Variants in CSMD2 observed in about 807,000 individuals in gnomAD.
The protein encoded by CSMD2 is CUB and sushi domain-containing protein 2.
A neutral mutation model predicts 398.5 loss-of-function variants in CSMD2; 130 were observed. That is an observed-to-expected ratio of 0.33 (90% confidence interval 0.28 to 0.38). CSMD2 has a LOEUF of 0.38. CSMD2 is among the 10% of genes least tolerant of loss of function. The probability of loss-of-function intolerance (pLI) is 1.00; values close to 1 mark genes in which losing one functional copy is unlikely to be tolerated. For missense variants in CSMD2, 3,829 were observed against 4,764.9 expected (o/e 0.80, Z 5.78); for synonymous variants, 1,828 against 1,908.5 (o/e 0.96, Z 1.10).
chr1:34,125,032 C>T (rs934759722), intron 1 of CSMD2, among the ~76,000 whole-genome samples: 1 of 152,058 alleles, frequency 6.6e-6, no homozygotes, highest in African/African-American at 2.4e-5. Flanking sequence ...ATGATTATGA[C>T]CCAGTCCCTG....
At chr1:33,753,047 T>TA (rs1393000716) in intron 13 of CSMD2, among the ~76,000 whole-genome samples, 3 of 152,214 alleles carry the variant, frequency 2.0e-5, no homozygotes, top group Non-Finnish European at 4.4e-5. Flanking sequence ...AGTTGGGACT[T>TA]ACATTTGAAA....
At chr1:34,071,043 G>A (rs1194024476) in intron 2 of CSMD2, among the ~76,000 whole-genome samples, 3 of 152,148 alleles carry the variant, frequency 2.0e-5, no homozygotes, top group Admixed American at 1.3e-4. Context: ...ATTGGAAGGT[G>A]GAGTCAATTG....
chr1:34,060,964 C>T (rs1654425266), intron 2 of CSMD2, among the ~76,000 whole-genome samples: 1 of 152,066 alleles, frequency 6.6e-6, no homozygotes, highest in Non-Finnish European at 1.5e-5. Context: ...AGTTGGCTTT[C>T]TGTCACGACT....
intron 52 of CSMD2, among the ~76,000 whole-genome samples, chr1:33,568,087 T>G (rs909757871): frequency 6.6e-6 from 1 of 151,076 alleles, no homozygotes; most frequent in African/African-American, 2.4e-5. Flanking sequence ...GTCCCCAGGA[T>G]CATCCCCCAC....
chr1:33,797,383 T>C (rs928020661), intron 10 of CSMD2, among the ~76,000 whole-genome samples: 1 of 152,222 alleles, frequency 6.6e-6, no homozygotes, highest in Non-Finnish European at 1.5e-5. Flanking sequence ...AAAGAATCGA[T>C]GTCTAAATAT....
Position 33,611,120 on chromosome 1 carries a change from G to A in CSMD2, c.6264C>T (p.Leu2088=), listed in dbSNP as rs761691324. 1 of 1,614,070 alleles carries A rather than the reference G, an allele frequency of 6.2e-7. No homozygotes were observed. Among genetic ancestry groups the A allele is most frequent in the African/African-American group, 1.3e-5 (1 of 74,992 alleles). Residue 2088 remains leucine (L), a synonymous_variant, in exon 41 of 71, where the codon CTC becomes CTT. Coordinates refer to ENST00000373381, the MANE Select transcript of CSMD2 (RefSeq NM_001281956.2). ...FSGSELPSSL[L]STSHETTVYF... The stretch of plus-strand genomic sequence containing the variant: ...ACACGGTGGTCTCGTGGGACGTGGA[G>A]AGGAGGGAGCTTGGAAGCTCGCTTC...
At position 34,163,009 on chromosome 1, in the gene CSMD2, C is replaced by T. The variant is rs1315592113; in HGVS notation, c.187+1902G>A. Among the ~76,000 whole-genome samples, 2 of 152,034 alleles carry T rather than the reference C, an allele frequency of 1.3e-5. No individual in the cohort carries two copies. Among genetic ancestry groups the T allele is most frequent in the Non-Finnish European group, 2.9e-5 (2 of 68,006 alleles). On this transcript the variant is annotated intron_variant, in intron 1 of 70. Coordinates refer to ENST00000373381, the MANE Select transcript of CSMD2 (RefSeq NM_001281956.2). The surrounding 1 kb of genome is among the most constrained non-coding windows in gnomAD (Gnocchi z 5.4). ...TCTCTACTGAGCAAGGAGCTGCGAG[C>T]AAATGGATCTCTATAGGGCAGGATT...
intron 48 of CSMD2, among the ~76,000 whole-genome samples, chr1:33,577,776 A>C (rs1009871767): frequency 6.6e-6 from 1 of 152,154 alleles, no homozygotes; most frequent in Non-Finnish European, 1.5e-5. Context: ...GGCTAAGTTC[A>C]GGCTCTCAAA....
rs557030103 is a variant in CSMD2, at chr1:33,885,644, T to G, written c.920+32450A>C. Among the ~76,000 whole-genome samples, 18 of 152,254 alleles carry G rather than the reference T, an allele frequency of 1.2e-4. No individual in the cohort carries two copies. The South Asian group carries it at 3.1e-3, about 26-fold the overall frequency. ...ATCTTGTGGTCAGCCCTGGAGCACT[T>G]AGGAGAAGAATCTGCCAAATTCCTA... On this transcript the variant is annotated intron_variant, in intron 5 of 70. Transcript: ENST00000373381.
chr1:33,739,367 C>T, intron 14 of CSMD2, 33 bp from the exon 15 acceptor site: 1 of 1,577,540 alleles, frequency 6.3e-7, no homozygotes, highest in Middle Eastern at 1.7e-4. Context: ...CATGATCAGA[C>T]ATTGCTGGAG....
rs1303924867 is a variant in CSMD2 at position 33,546,119 on chromosome 1, T to C, written c.9018A>G (p.Glu3006=). Residue 3006 remains glutamate (E), a synonymous_variant, in exon 57 of 71, where the codon GAA becomes GAG. Transcript: ENST00000373381. ...ACGATCCCCGGAGCACGTGGCCAGC[T>C]TCACAGCTGAAGCGCATCACAGTGC... The part of the protein sequence containing the change: ...DPGTVMRFSC[E]AGHVLRGSSE... 9 of 1,614,060 alleles carry C rather than the reference T, an allele frequency of 5.6e-6. No individual in the cohort carries two copies. Among genetic ancestry groups the C allele is most frequent in the Non-Finnish European group, 6.8e-6 (8 of 1,180,036 alleles).
intron 4 of CSMD2, among the ~76,000 whole-genome samples, chr1:33,925,667 T>C (rs1031607356): frequency 6.6e-6 from 1 of 152,150 alleles, no homozygotes. Context: ...GCCAGAGTAA[T>C]ACGGGAAACC....
At chr1:34,006,115 C>G (rs577712232) in intron 3 of CSMD2, among the ~76,000 whole-genome samples, 21 of 152,264 alleles carry the variant, frequency 1.4e-4, no homozygotes, top group African/African-American at 4.8e-4. Context: ...TCAGTATATA[C>G]TTGGCCCTCT....
At chr1:33,795,489 C>T (rs1225253731) in intron 10 of CSMD2, among the ~76,000 whole-genome samples, 1 of 152,222 alleles carries the variant, frequency 6.6e-6, no homozygotes, top group Admixed American at 6.5e-5. Context: ...CCCTCCACTG[C>T]ACAGCCTGTG....
At chr1:34,130,031 G>C (rs563616016) in intron 1 of CSMD2, among the ~76,000 whole-genome samples, 44 of 152,242 alleles carry the variant, frequency 2.9e-4, no homozygotes, top group Middle Eastern at 3.4e-3. Flanking sequence ...GGGAGCTCAA[G>C]AAACATTAAT....
At chr1:33,996,750 AAAGG>A (rs1021911591) in intron 3 of CSMD2, among the ~76,000 whole-genome samples, 4 of 151,892 alleles carry the variant, frequency 2.6e-5, no homozygotes, top group African/African-American at 9.7e-5. Context: ...CAGAAAAGAA[AAAGG>A]AAGGAAGGGA....
In CSMD2 at chr1:33,744,278, C is replaced by A. The variant is rs531531930; in HGVS notation, c.1847-672G>T. Among the ~76,000 whole-genome samples the A allele has an allele frequency of 1.3e-4, 20 of 152,290 alleles. No individual in the cohort carries two copies. The South Asian group carries it at 2.1e-3, about 16-fold the overall frequency. On this transcript the variant is annotated intron_variant, in intron 13 of 70. Coordinates refer to ENST00000373381, the MANE Select transcript of CSMD2 (RefSeq NM_001281956.2). The stretch of plus-strand genomic sequence containing the variant: ...TAACCGGGTGGAGACAGCCCAGGAC[C>A]ATTTGTCTCCTTCAAACATTTTTGA...
At position 33,559,755 on chromosome 1, in the gene CSMD2, G is replaced by A. The variant is rs888328453; in HGVS notation, c.8381-282C>T. On this transcript the variant is annotated intron_variant, in intron 53 of 70. Coordinates refer to ENST00000373381, the MANE Select transcript of CSMD2 (RefSeq NM_001281956.2). This position sits in a 1 kb window ranked among gnomAD's most constrained non-coding sequence, Gnocchi z 4.0. ...TGGTTCTCTGTGGTCTGAGCGGTCA[G>A]TGCTATCTTACTTTCCTTGCCTCTG... 6.6e-6 allele frequency among the ~76,000 whole-genome samples: 1 copy of A among 152,138 alleles called. No individual in the cohort carries two copies. The highest frequency in any genetic ancestry group is 2.4e-5 in the African/African-American group (1 of 41,432).
intron 6 of CSMD2, among the ~76,000 whole-genome samples, chr1:33,840,370 C>T (rs935970021): frequency 6.6e-6 from 1 of 152,114 alleles, no homozygotes; most frequent in African/African-American, 2.4e-5. Flanking sequence ...TGTAGGTACC[C>T]AGGACTTCAC....
Sources: gnomAD v4.1 joint callset for allele counts (sites outside exome capture counted in the v4.1 genomes callset) on GRCh38, gnomAD v4.1.1 for gene constraint, Gnocchi (gnomAD v3.1) non-coding constraint, MANE v1.5 for transcripts, NCBI Gene and HGNC (gene_info 2026-07-23, HGNC 2026-07-21) for gene names.